Variants in FANCC observed in about 807,000 individuals in gnomAD.
FANCC encodes Fanconi anemia group C protein.
In FANCC, 55 loss-of-function variants were observed where a neutral mutation model predicts 71.3. The observed-to-expected ratio is 0.77, with a 90% confidence interval of 0.62 to 0.97. The LOEUF (loss-of-function observed/expected upper bound fraction) is 0.97, where lower values mean the gene tolerates loss of function less well. Among genes scored for constraint, FANCC ranks in the 50% least tolerant of loss-of-function variants. The pLI is 0.00. For missense variants in FANCC, 678 were observed against 670.9 expected (o/e 1.01, Z -0.12); for synonymous variants, 275 against 244.9 (o/e 1.12, Z -1.15).
rs4647505 is a variant in FANCC, at chr9:95,135,790, G to A, written c.687-288C>T. On this transcript the variant is annotated intron_variant, in intron 7 of 14. Coordinates refer to ENST00000289081, the MANE Select transcript of FANCC (RefSeq NM_000136.3). Reference sequence around the variant, plus strand: ...TCTAGTGATGGAAGAAAGAGGGAGCGATAAAAAACGGGATGGAAAAGGCCT... The same window carrying A: ...TCTAGTGATGGAAGAAAGAGGGAGCAATAAAAAACGGGATGGAAAAGGCCT... 0.033 allele frequency among the ~76,000 whole-genome samples: 5,051 copies of A among 152,262 alleles called. 291 individuals are homozygous for A. Among genetic ancestry groups the A allele is most frequent in the African/African-American group, 0.12 (4,825 of 41,534 alleles).
intron 6 of FANCC, among the ~76,000 whole-genome samples, chr9:95,162,732 T>C (rs1830825028): frequency 1.3e-5 from 2 of 152,228 alleles, no homozygotes; most frequent in African/African-American, 4.8e-5. Flanking sequence ...CATCTTTTCA[T>C]ATGCTTGTTG....
At chr9:95,270,822 C>T (rs1044484548) in intron 1 of FANCC, among the ~76,000 whole-genome samples, 20 of 152,150 alleles carry the variant, frequency 1.3e-4, no homozygotes, top group African/African-American at 4.8e-4. Context: ...ATATAAAATG[C>T]CACAATGTTA....
At chr9:95,281,218 T>C (rs1296003034) in intron 1 of FANCC, among the ~76,000 whole-genome samples, 2 of 151,952 alleles carry the variant, frequency 1.3e-5, no homozygotes, top group Non-Finnish European at 2.9e-5. Context: ...TCAGATTTAA[T>C]CCAAATAACA....
chr9:95,111,091 G>A (rs1008353323), intron 13 of FANCC: 5 of 1,518,192 alleles, frequency 3.3e-6, no homozygotes, highest in Non-Finnish European at 4.4e-6. Flanking sequence ...CCCTGGCTGT[G>A]GCCAGGCTCT....
intron 1 of FANCC, among the ~76,000 whole-genome samples, chr9:95,291,968 ATATAT>A (rs375777035): frequency 3.6e-4 from 19 of 52,820 alleles, no homozygotes; most frequent in African/African-American, 5.8e-4. Flanking sequence ...AAAAAAAAAA[ATATAT>A]ATATATATAT....
chr9:95,268,615 T>C (rs1832535458), intron 1 of FANCC, among the ~76,000 whole-genome samples: 1 of 152,300 alleles, frequency 6.6e-6, no homozygotes, highest in Non-Finnish European at 1.5e-5. Flanking sequence ...GAATCACAGA[T>C]GAATAACAAT....
chr9:95,292,987 C>T, intron 1 of FANCC: 1 of 1,575,918 alleles, frequency 6.3e-7, no homozygotes, highest in East Asian at 2.2e-5. Context: ...GAGATCCCTG[C>T]AGAACACAGG....
intron 1 of FANCC, among the ~76,000 whole-genome samples, chr9:95,305,747 G>C (rs1835040265): frequency 6.6e-6 from 1 of 152,158 alleles, no homozygotes; most frequent in South Asian, 2.1e-4. Flanking sequence ...GCTGTGAAAA[G>C]ACACGCCATA....
chr9:95,117,210 C>T, intron 11 of FANCC, 105 bp downstream of exon 11: 1 of 993,640 alleles, frequency 1.0e-6, no homozygotes, highest in South Asian at 1.4e-5. Flanking sequence ...ATAACCAGTT[C>T]TGTCTCCCTC....
intron 6 of FANCC, among the ~76,000 whole-genome samples, chr9:95,157,127 G>GT (rs11404119): frequency 0.22 from 32,929 of 150,514 alleles, 4,458 homozygotes; most frequent in Non-Finnish European, 0.31. Flanking sequence ...GTTTTCCTGT[G>GT]TTTTTTTTTC....
chr9:95,107,208 G>A lies in FANCC; in HGVS notation c.1391C>T (p.Ala464Val), dbSNP rs1186749897. ...LAMSRSSSLS[A>V]QDLQTVAGQG... ...TCCTGCTACCGTCTGCAGGTCCTGG[G>A]CTGAGAGGCTGCTGCTTCTGGACAT... The change falls in exon 14 of 15, where the codon GCC becomes GTC. Residue 464 changes from alanine to valine, a missense_variant. By Grantham distance (64) the Ala-to-Val change is moderately conservative (BLOSUM62 0). Coordinates refer to ENST00000289081, the MANE Select transcript of FANCC (RefSeq NM_000136.3). The A allele has an allele frequency of 6.2e-7, 1 of 1,614,070 alleles. No homozygotes were observed. The highest frequency in any genetic ancestry group is 8.5e-7 in the Non-Finnish European group (1 of 1,180,042).
intron 1 of FANCC, among the ~76,000 whole-genome samples, chr9:95,304,474 G>A (rs1032941028): frequency 6.6e-6 from 1 of 151,830 alleles, no homozygotes; most frequent in Admixed American, 6.6e-5. Context: ...GGCCAGGAGT[G>A]TTGGCTCACA....
At chr9:95,121,231 G>GGCTT (rs1214307978) in intron 10 of FANCC, among the ~76,000 whole-genome samples, 5 of 152,198 alleles carry the variant, frequency 3.3e-5, no homozygotes, top group African/African-American at 9.7e-5. Context: ...CCACAGTGCA[G>GGCTT]GCTTAGAAAA....
chr9:95,126,520 A>C lies in FANCC; in HGVS notation c.896+9T>G. 6.2e-7 allele frequency: 1 copy of C among 1,613,442 alleles called. No homozygotes were observed. Among genetic ancestry groups the C allele is most frequent in the Non-Finnish European group, 8.5e-7 (1 of 1,179,364 alleles). Reference sequence around the variant, plus strand: ...CATCAATTACTAGAAGAAACAGTGTAACGTTTACCTGAACATCTCATCAAC... The same window carrying C: ...CATCAATTACTAGAAGAAACAGTGTCACGTTTACCTGAACATCTCATCAAC... On this transcript the variant is annotated intron_variant, in intron 9 of 14. Coordinates refer to ENST00000289081, the MANE Select transcript of FANCC (RefSeq NM_000136.3).
At chr9:95,201,972 AT>A (rs796888768) in intron 4 of FANCC, among the ~76,000 whole-genome samples, 88 of 152,338 alleles carry the variant, frequency 5.8e-4, no homozygotes, top group African/African-American at 2.1e-3. Context: ...TTAAAGAAGC[AT>A]TTGCAGCTTT....
chr9:95,282,223 T>C (rs1264236513), intron 1 of FANCC, among the ~76,000 whole-genome samples: 1 of 152,046 alleles, frequency 6.6e-6, no homozygotes, highest in Non-Finnish European at 1.5e-5. Flanking sequence ...AAAAAGATAC[T>C]TCACACAAAT....
rs144963505 is a variant in FANCC, at chr9:95,293,863, T to C, written c.-79+23663A>G. ...AGTCCAACGGATGACCATGTACAGA[T>C]GGACCAAGCTGGAATGTGCAGAGAC... is the stretch of plus-strand genomic sequence containing the variant. On this transcript the variant is annotated intron_variant, in intron 1 of 14. Transcript: ENST00000289081. 3.9e-4 allele frequency: 624 copies of C among 1,609,260 alleles called. 1 individual carries two copies. The African/African-American group carries it at 6.4e-3, about 17-fold the overall frequency.
chr9:95,290,231 T>C (rs912125625), intron 1 of FANCC, among the ~76,000 whole-genome samples: 2 of 152,116 alleles, frequency 1.3e-5, no homozygotes, highest in African/African-American at 2.4e-5. Flanking sequence ...TGCAAATCCA[T>C]CCTTTGGGGA....
chr9:95,144,486 C>T (rs1027869283), intron 7 of FANCC, among the ~76,000 whole-genome samples: 2 of 152,232 alleles, frequency 1.3e-5, no homozygotes, highest in African/African-American at 4.8e-5. Flanking sequence ...GAGCACTGTG[C>T]TAGAGCAGGA....
Sources: allele counts gnomAD v4.1 joint callset (sites outside exome capture counted in the v4.1 genomes callset), GRCh38; gene constraint gnomAD v4.1.1; transcripts MANE v1.5; gene names NCBI Gene and HGNC (gene_info 2026-07-23, HGNC 2026-07-21).